GALNT14: variants seen among roughly 807,000 people sequenced by gnomAD.
GALNT14 encodes the protein polypeptide N-acetylgalactosaminyltransferase 14.
In GALNT14, 60 loss-of-function variants were observed where a neutral mutation model predicts 77.5. The ratio of observed to expected loss-of-function variants is 0.77; its 90% CI spans 0.63 to 0.96. The LOEUF is 0.96. Among genes scored for constraint, GALNT14 ranks in the 40% least tolerant of loss-of-function variants. The probability of loss-of-function intolerance (pLI) is 0.00; values close to 1 mark genes in which losing one functional copy is unlikely to be tolerated. For synonymous variants in GALNT14, 280 were observed against 281.7 expected (o/e 0.99, Z 0.06); for missense variants, 710 against 731.0 (o/e 0.97, Z 0.33).
intron 8 of GALNT14, among the ~76,000 whole-genome samples, chr2:30,942,564 A>G (rs967727454): frequency 2.6e-5 from 4 of 152,060 alleles, no homozygotes; most frequent in Admixed American, 6.5e-5. Flanking sequence ...AGGCAAATTC[A>G]CTCATTAGCA....
At chr2:30,963,475 G>T (rs1667813793) in intron 3 of GALNT14, among the ~76,000 whole-genome samples, 1 of 152,166 alleles carries the variant, frequency 6.6e-6, no homozygotes, top group African/African-American at 2.4e-5. Flanking sequence ...TGGAGGAGCG[G>T]CAGGAAGAGG....
chr2:30,901,507 T>G, the GALNT14 span, among the ~76,000 whole-genome samples: 6 of 138,042 alleles, frequency 4.3e-5, no homozygotes, highest in South Asian at 2.5e-4. Context: ...ATAAATATAT[T>G]CATATATATA....
chr2:31,086,299 G>C (rs991416478), intron 1 of GALNT14, among the ~76,000 whole-genome samples: 1 of 152,198 alleles, frequency 6.6e-6, no homozygotes. Flanking sequence ...ACACAAGTCA[G>C]CACAGGCCCC....
chr2:31,102,965 C>T (rs1039262266), intron 1 of GALNT14, among the ~76,000 whole-genome samples: 1 of 152,032 alleles, frequency 6.6e-6, no homozygotes, highest in Non-Finnish European at 1.5e-5. Context: ...TTAAAGCATT[C>T]GGCTGGTGTT....
chr2:30,913,797 T>C (rs900054439), intron 13 of GALNT14, among the ~76,000 whole-genome samples: 8 of 152,220 alleles, frequency 5.3e-5, no homozygotes, highest in African/African-American at 1.7e-4. Flanking sequence ...CAAATATAGA[T>C]GAAACAAGAC....
At chr2:30,908,719 A>G (rs1250739681), downstream of GALNT14, among the ~76,000 whole-genome samples, 16 of 81,986 alleles carry the variant, frequency 2.0e-4, no homozygotes, top group Admixed American at 2.7e-4. Context: ...TTTAAAGTTC[A>G]TATGGAACCA....
chr2:31,091,721 C>T (rs1676752509), intron 1 of GALNT14, among the ~76,000 whole-genome samples: 1 of 152,224 alleles, frequency 6.6e-6, no homozygotes, highest in Admixed American at 6.5e-5. Context: ...CATCTTCTCG[C>T]TGTTGCCTAA....
chr2:30,899,048 G>A, the GALNT14 span, among the ~76,000 whole-genome samples: 2 of 152,208 alleles, frequency 1.3e-5, no homozygotes, highest in African/African-American at 4.8e-5. Flanking sequence ...GAGCTCTGTT[G>A]CCACCCTCCA....
At chr2:31,123,918 A>T (rs1678549635) in intron 1 of GALNT14, among the ~76,000 whole-genome samples, 1 of 152,176 alleles carries the variant, frequency 6.6e-6, no homozygotes, top group Non-Finnish European at 1.5e-5. Flanking sequence ...ATCCCCAGAG[A>T]CACAGTTGTA....
intron 1 of GALNT14, among the ~76,000 whole-genome samples, chr2:31,029,529 C>T (rs1406160979): frequency 6.6e-6 from 1 of 152,166 alleles, no homozygotes; most frequent in East Asian, 1.9e-4. Flanking sequence ...CATATAGAAC[C>T]ACATAACTAA....
chr2:31,073,805 T>C (rs935889091), intron 1 of GALNT14, among the ~76,000 whole-genome samples: 1 of 152,148 alleles, frequency 6.6e-6, no homozygotes, highest in African/African-American at 2.4e-5. Context: ...CATTTTAAAA[T>C]ATCATTAGCC....
At chr2:30,886,962 CTT>C in the GALNT14 span, among the ~76,000 whole-genome samples, 3 of 152,240 alleles carry the variant, frequency 2.0e-5, no homozygotes, top group Non-Finnish European at 4.4e-5. Context: ...CATGGATTGA[CTT>C]TTCAGATATT....
chr2:31,063,236 A>G (rs1329578770), intron 1 of GALNT14, among the ~76,000 whole-genome samples: 1 of 152,134 alleles, frequency 6.6e-6, no homozygotes, highest in Non-Finnish European at 1.5e-5. Context: ...TAATTTTTGT[A>G]TAAGGTGTAA....
At chr2:31,019,709 T>C (rs1264122895) in intron 1 of GALNT14, among the ~76,000 whole-genome samples, 1 of 152,310 alleles carries the variant, frequency 6.6e-6, no homozygotes, top group East Asian at 1.9e-4. Context: ...GAATGAATAC[T>C]GGATTCTAGT....
intron 1 of GALNT14, among the ~76,000 whole-genome samples, chr2:31,031,014 A>T (rs934244524): frequency 6.6e-6 from 1 of 152,246 alleles, no homozygotes; most frequent in Non-Finnish European, 1.5e-5. Context: ...GCATGTGTGT[A>T]GTCACACACC....
chr2:30,922,043 A>G (rs145031883), intron 13 of GALNT14, among the ~76,000 whole-genome samples: 69 of 152,306 alleles, frequency 4.5e-4, no homozygotes, highest in Middle Eastern at 3.4e-3. Context: ...TGCAGGAGAA[A>G]GAAGAGCCAC....
intron 6 of GALNT14, among the ~76,000 whole-genome samples, chr2:30,955,007 AGAC>A (rs1667269159): frequency 6.6e-6 from 1 of 152,254 alleles, no homozygotes; most frequent in African/African-American, 2.4e-5. Context: ...GGAAGTGGAT[AGAC>A]TTCAGGGAAT....
chr2:31,108,970 G>C (rs554736203), intron 1 of GALNT14, among the ~76,000 whole-genome samples: 2 of 152,314 alleles, frequency 1.3e-5, no homozygotes, highest in East Asian at 1.9e-4. Flanking sequence ...CCTCTCCCTA[G>C]TCTCAACATC....
chr2:30,927,165 T>C (rs1665438828), intron 11 of GALNT14, among the ~76,000 whole-genome samples: 1 of 152,176 alleles, frequency 6.6e-6, no homozygotes, highest in Non-Finnish European at 1.5e-5. Context: ...TAGAATCACC[T>C]GGTGTGGGGT....
Sources: allele counts gnomAD v4.1 joint callset (sites outside exome capture counted in the v4.1 genomes callset), GRCh38; gene constraint gnomAD v4.1.1; transcripts MANE v1.5; gene names NCBI Gene and HGNC (gene_info 2026-07-23, HGNC 2026-07-21).